The following VAT1L variants were observed in gnomAD, a reference collection of about 807,000 sequenced individuals.
VAT1L encodes the protein vesicle amine transport 1 like.
Under a neutral mutation model 44.1 loss-of-function variants are expected in VAT1L, and 34 were observed. That is an observed-to-expected ratio of 0.77 (90% CI 0.59 to 1.03). VAT1L has a LOEUF of 1.03. Among genes scored for constraint, VAT1L ranks in the 50% least tolerant of loss-of-function variants. The pLI is 0.00. For synonymous variants in VAT1L, 253 were observed against 202.2 expected, an observed-to-expected ratio of 1.25 and a Z score of -2.13; for missense variants, 615 against 538.8, an observed-to-expected ratio of 1.14 and a Z score of -1.40.
chr16:77,954,636 A>G (rs1477722671), intron 7 of VAT1L, among the ~76,000 whole-genome samples: 3 of 152,160 alleles, frequency 2.0e-5, no homozygotes, highest in Admixed American at 6.5e-5. Context: ...AAAATAAATA[A>G]TAAATAAATG....
At chr16:77,843,335 G>A (rs78244350) in intron 3 of VAT1L, among the ~76,000 whole-genome samples, 2,365 of 152,148 alleles carry the variant, frequency 0.016, 54 homozygotes, top group African/African-American at 0.054. Flanking sequence ...TGGTAAGGAT[G>A]CACCAGGATG....
rs182824561 is a variant in VAT1L at position 77,937,239 on chromosome 16, C to T, written c.1078-34611C>T. Among the ~76,000 whole-genome samples the T allele has an allele frequency of 6.0e-4, 91 of 152,274 alleles. 1 individual carries two copies. Among genetic ancestry groups the T allele is most frequent in the African/African-American group, 2.1e-3 (88 of 41,538 alleles). On this transcript the variant is annotated intron_variant, in intron 7 of 8. Transcript: ENST00000302536. ...AGCCCCAGCCTGAGCCTCACAGTTC[C>T]CTTCAGGTTCATCGTCCTCCTCACG...
At chr16:77,808,521 G>T (rs1158005968) in intron 1 of VAT1L, among the ~76,000 whole-genome samples, 1 of 152,090 alleles carries the variant, frequency 6.6e-6, no homozygotes, top group Non-Finnish European at 1.5e-5. Context: ...ACTGGTCCCT[G>T]GTGCCAAAAA....
At chr16:77,863,133 C>T (rs910116024) in intron 4 of VAT1L, among the ~76,000 whole-genome samples, 2 of 152,226 alleles carry the variant, frequency 1.3e-5, no homozygotes, top group Admixed American at 1.3e-4. Flanking sequence ...GTTACGCTAG[C>T]TCCTATTTGA....
chr16:77,807,106 A>G (rs1275272647), intron 1 of VAT1L, among the ~76,000 whole-genome samples: 11 of 152,166 alleles, frequency 7.2e-5, no homozygotes, highest in Admixed American at 7.2e-4. Context: ...CTCCTCAGGA[A>G]CTGCCGTGCA....
At chr16:77,931,840 A>G (rs56160047) in intron 7 of VAT1L, among the ~76,000 whole-genome samples, 38,112 of 152,102 alleles carry the variant, frequency 0.25, 5,301 homozygotes, top group East Asian at 0.39. Context: ...TCAAAGTGTT[A>G]GGGGAAAATC....
chr16:77,896,070 A>G (rs938667793), intron 7 of VAT1L, among the ~76,000 whole-genome samples: 2 of 152,228 alleles, frequency 1.3e-5, no homozygotes, highest in Admixed American at 6.5e-5. Context: ...CTGACCTCGA[A>G]TGGAGGGGAG....
chr16:77,938,926 G>A (rs907474220), intron 7 of VAT1L, among the ~76,000 whole-genome samples: 51 of 152,200 alleles, frequency 3.4e-4, no homozygotes, highest in African/African-American at 1.1e-3. Flanking sequence ...GGAAACAGGA[G>A]TGTGGGGATG....
At chr16:77,926,706 C>G (rs1409303990) in intron 7 of VAT1L, among the ~76,000 whole-genome samples, 6 of 152,196 alleles carry the variant, frequency 3.9e-5, no homozygotes, top group Non-Finnish European at 8.8e-5. Context: ...ACAGTCCTCA[C>G]CAACCTCTAT....
intron 7 of VAT1L, among the ~76,000 whole-genome samples, chr16:77,934,069 G>T (rs1192447549): frequency 2.0e-5 from 3 of 152,154 alleles, no homozygotes; most frequent in South Asian, 4.1e-4. Flanking sequence ...GAAGTAAGAA[G>T]AATAATTAGG....
chr16:77,846,861 T>C (rs1200845890), intron 3 of VAT1L, among the ~76,000 whole-genome samples: 2 of 147,668 alleles, frequency 1.4e-5, no homozygotes, highest in African/African-American at 2.4e-5. Flanking sequence ...TTCAGTGTGA[T>C]TCCAATTCTG....
In VAT1L at chr16:77,788,931, CT is replaced by C; in HGVS notation, c.233+19del. 1 of 1,454,576 alleles carries C rather than the reference CT, an allele frequency of 6.9e-7. No homozygotes were observed. Among genetic ancestry groups the C allele is most frequent in the Non-Finnish European group, 9.1e-7 (1 of 1,104,480 alleles). 90.1% of individuals were successfully genotyped at this position (1,454,576 alleles called of 1,614,324 possible). A position where few individuals can be genotyped will look rare whatever the true frequency, so the allele number is the denominator to read the frequency against. ...TCAAAGCCTGGTCCAGTATCCGCGC[CT>C]TTCTCGCTTTCTCTCTTTTTGCGCG... On this transcript the variant is annotated intron_variant, in intron 1 of 8. Transcript: ENST00000302536.
chr16:77,798,719 A>G (rs868452152), intron 1 of VAT1L, among the ~76,000 whole-genome samples: 1 of 152,230 alleles, frequency 6.6e-6, no homozygotes, highest in Non-Finnish European at 1.5e-5. Context: ...TAGCTCAAAC[A>G]GGATATGCCA....
chr16:77,801,623 A>C (rs2016054496), intron 1 of VAT1L: 1 of 151,884 alleles, frequency 6.6e-6, no homozygotes, highest in South Asian at 2.1e-4. Flanking sequence ...TGAGACTTTC[A>C]AACTGCACTC....
chr16:77,898,150 G>A (rs531930471), intron 7 of VAT1L, among the ~76,000 whole-genome samples: 1 of 152,204 alleles, frequency 6.6e-6, no homozygotes, highest in African/African-American at 2.4e-5. Flanking sequence ...TTCCCTCTGT[G>A]GGCATCTATC....
Position 77,977,964 on chromosome 16 carries a change from G to C in VAT1L, c.*269G>C. On this transcript the variant is annotated 3_prime_UTR_variant, in exon 9 of 9. Transcript: ENST00000302536. ...ATCCATCTGTGGGTTCTTCTTGACA[G>C]TTCTAGAACAGCCTTGCAAATTAAT... 1 of 366,194 alleles carries C rather than the reference G, an allele frequency of 2.7e-6. No homozygotes were observed. The highest frequency in any genetic ancestry group is 2.1e-5 in the African/African-American group (1 of 47,856). 22.7% of individuals were successfully genotyped at this position (366,194 alleles called of 1,614,324 possible).
intron 7 of VAT1L, among the ~76,000 whole-genome samples, chr16:77,962,257 A>T (rs1281261266): frequency 6.6e-6 from 1 of 152,110 alleles, no homozygotes; most frequent in African/African-American, 2.4e-5. Flanking sequence ...ATGTAGTGGG[A>T]AAAAGTCCTC....
At chr16:77,867,909 C>T (rs910021684) in intron 4 of VAT1L, among the ~76,000 whole-genome samples, 1 of 149,756 alleles carries the variant, frequency 6.7e-6, no homozygotes, top group African/African-American at 2.5e-5. Flanking sequence ...CATTTCAAAA[C>T]ATTGGGTGGG....
In VAT1L at chr16:77,833,563, C is replaced by T. The variant is rs142806127; in HGVS notation, c.579+8102C>T. 3.6e-4 allele frequency among the ~76,000 whole-genome samples: 55 copies of T among 152,036 alleles called. No homozygotes were observed. In the East Asian group the frequency reaches 0.011, roughly 29 times the overall value. On this transcript the variant is annotated intron_variant, in intron 3 of 8. Coordinates refer to ENST00000302536, the MANE Select transcript of VAT1L (RefSeq NM_020927.3). ...GTCAGGAGTTCGAGACCATCCTGGC[C>T]AACACGGTGAAACCCAGTCTCTACT...
Sources: allele counts gnomAD v4.1 joint callset (sites outside exome capture counted in the v4.1 genomes callset), GRCh38; gene constraint gnomAD v4.1.1; transcripts MANE v1.5; gene names NCBI Gene and HGNC (gene_info 2026-07-23, HGNC 2026-07-21).